Variants in UBASH3A observed in about 807,000 individuals in gnomAD.
The protein encoded by UBASH3A is ubiquitin-associated and SH3 domain-containing protein A.
A neutral mutation model predicts 73.5 loss-of-function variants in UBASH3A; 63 were observed. The observed-to-expected ratio is 0.86, with a 90% CI of 0.70 to 1.06. The LOEUF is 1.06. Among genes scored for constraint, UBASH3A ranks in the 50% least tolerant of loss-of-function variants. UBASH3A has a pLI of 0.00. For missense variants in UBASH3A, 860 were observed against 859.0 expected, an observed-to-expected ratio of 1.00 and a Z score of -0.02; for synonymous variants, 363 against 351.1, an observed-to-expected ratio of 1.03 and a Z score of -0.38.
intron 14 of UBASH3A, 113 bp downstream of exon 14, chr21:42,444,756 C>A: frequency 1.1e-6 from 1 of 885,528 alleles, no homozygotes; most frequent in Non-Finnish European, 1.8e-6. Flanking sequence ...CCAGGGCCAC[C>A]AGGATCCACG....
intron 7 of UBASH3A, among the ~76,000 whole-genome samples, chr21:42,425,855 C>A (rs1033392857): frequency 6.6e-6 from 1 of 151,916 alleles, no homozygotes; most frequent in African/African-American, 2.4e-5. Flanking sequence ...AGAAACATGC[C>A]CTGTGCATGG....
At position 42,403,906 on chromosome 21, in the gene UBASH3A, C is replaced by A; in HGVS notation, c.-40C>A. The A allele has an allele frequency of 1.5e-6, 2 of 1,294,250 alleles. No individual in the cohort carries two copies. The highest frequency in any genetic ancestry group is 1.7e-5 in the South Asian group (1 of 57,786). 80.2% of individuals were successfully genotyped at this position (1,294,250 alleles called of 1,614,324 possible). ...CCCCTCTTGCTTTATCTCCTCATTT[C>A]TGTGTGCAGGCGAGCTTCTTGGCCT... is the stretch of plus-strand genomic sequence containing the variant. On this transcript the variant is annotated 5_prime_UTR_variant, in exon 1 of 15. The change creates a new upstream start codon in the 5' untranslated region. Coordinates refer to ENST00000319294, the MANE Select transcript of UBASH3A (RefSeq NM_018961.4).
At chr21:42,417,628 A>T (rs1197705766) in intron 6 of UBASH3A, 1 of 152,124 alleles carries the variant, frequency 6.6e-6, no homozygotes, top group African/African-American at 2.4e-5. Context: ...GTGAAACCTC[A>T]TTCTGGGACT....
chr21:42,412,550 C>T (rs1222885202), intron 3 of UBASH3A, among the ~76,000 whole-genome samples: 1 of 152,218 alleles, frequency 6.6e-6, no homozygotes, highest in Non-Finnish European at 1.5e-5. Context: ...CGACTCAGTG[C>T]TCAGCCGTGG....
At chr21:42,430,687 A>G (rs1390429010) in intron 8 of UBASH3A, among the ~76,000 whole-genome samples, 1 of 152,080 alleles carries the variant, frequency 6.6e-6, no homozygotes, top group Non-Finnish European at 1.5e-5. Flanking sequence ...CATCTCTGTT[A>G]ATGACTCATC....
chr21:42,412,422 A>G (rs1419317424), intron 3 of UBASH3A, among the ~76,000 whole-genome samples: 2 of 152,204 alleles, frequency 1.3e-5, no homozygotes, highest in African/African-American at 2.4e-5. Context: ...GCAGACCCCA[A>G]GGCAGAATTC....
At chr21:42,408,832 G>A (rs968742275) in intron 2 of UBASH3A, among the ~76,000 whole-genome samples, 4 of 150,432 alleles carry the variant, frequency 2.7e-5, no homozygotes. Context: ...GCAGTGAGCT[G>A]AGATTGTGCC....
At chr21:42,405,913 C>T (rs757964529) in intron 1 of UBASH3A, among the ~76,000 whole-genome samples, 17 of 129,166 alleles carry the variant, frequency 1.3e-4, no homozygotes, top group Non-Finnish European at 2.5e-4. Flanking sequence ...GTCGCTGATG[C>T]TGGGGTGAGG....
chr21:42,444,786 C>T (rs570890179), intron 14 of UBASH3A, 143 bp downstream of exon 14: 62 of 689,258 alleles, frequency 9.0e-5, no homozygotes, highest in East Asian at 7.2e-4. Context: ...AGACTGTGCC[C>T]ACCGGCTCTT....
At chr21:42,428,092 C>T (rs1054882254) in intron 8 of UBASH3A, among the ~76,000 whole-genome samples, 1 of 152,118 alleles carries the variant, frequency 6.6e-6, no homozygotes, top group Non-Finnish European at 1.5e-5. Flanking sequence ...AGGGATGGCC[C>T]TGTGAGGACA....
intron 14 of UBASH3A, among the ~76,000 whole-genome samples, 183 bp downstream of exon 14, chr21:42,444,826 G>T (rs550252133): frequency 6.8e-4 from 103 of 152,346 alleles, no homozygotes; most frequent in African/African-American, 2.3e-3. Context: ...GCTGGGGCTG[G>T]TGGATAGGTC....
chr21:42,405,994 G>GC (rs2052965207), intron 1 of UBASH3A, among the ~76,000 whole-genome samples: 1 of 150,662 alleles, frequency 6.6e-6, no homozygotes. Context: ...GGGGGGGGGG[G>GC]GGGCAGGCCA....
rs753594672 is a variant in UBASH3A at position 42,409,605 on chromosome 21, C to T, written c.351C>T (p.Phe117=). 13 of 1,609,844 alleles carry T rather than the reference C, an allele frequency of 8.1e-6. No individual in the cohort carries two copies. In the Admixed American group the frequency reaches 2.2e-4, roughly 27 times the overall value. ...CACACGTGACACTCTGTGACTTCTTCACGGTGAGTCAACCCAGTGTGCCTT... is the reference window on the plus strand; with the variant it reads ...CACACGTGACACTCTGTGACTTCTTTACGGTGAGTCAACCCAGTGTGCCTT... The part of the protein sequence containing the change: ...VFPHVTLCDF[F]TCEDQKVECL... Residue 117 remains phenylalanine (F), a synonymous_variant, in exon 3 of 15, where the codon TTC becomes TTT. Coordinates refer to ENST00000319294, the MANE Select transcript of UBASH3A (RefSeq NM_018961.4).
chr21:42,444,034 G>C lies in UBASH3A; in HGVS notation c.1739-500G>C, dbSNP rs1312206809. Among the ~76,000 whole-genome samples the C allele has an allele frequency of 2.6e-5, 4 of 152,224 alleles. No homozygotes were observed. The East Asian group carries it at 7.7e-4, about 29-fold the overall frequency. On this transcript the variant is annotated intron_variant, in intron 13 of 14. Transcript: ENST00000319294. ...CCTCCCGTGTTGCTTTGTCCTGGAT[G>C]AAGCATGCACAGAAGCGCTGACTTC...
chr21:42,406,798 T>C (rs1241290180), intron 2 of UBASH3A, among the ~76,000 whole-genome samples: 2 of 152,228 alleles, frequency 1.3e-5, no homozygotes, highest in African/African-American at 4.8e-5. Context: ...ATTTCAGTAA[T>C]TGAAGAGCAG....
At chr21:42,444,354 C>T (rs1051664737) in intron 13 of UBASH3A, among the ~76,000 whole-genome samples, 180 bp from the exon 14 acceptor site, 11 of 152,176 alleles carry the variant, frequency 7.2e-5, no homozygotes, top group African/African-American at 2.2e-4. Flanking sequence ...AATCCATGAG[C>T]GAGGGTGGGA....
Position 42,444,651 on chromosome 21 carries a change from C to A in UBASH3A, c.1848+8C>A. On this transcript the variant is annotated splice_region_variant and intron_variant, in intron 14 of 14. Coordinates refer to ENST00000319294, the MANE Select transcript of UBASH3A (RefSeq NM_018961.4). ...GCCCAACTCGTGAGAAAGGTACGCG[C>A]CCACTCTTGGCTCTTTGGGCCACAA... The A allele has an allele frequency of 6.2e-7, 1 of 1,601,946 alleles. No homozygotes were observed. The highest frequency in any genetic ancestry group is 8.6e-7 in the Non-Finnish European group (1 of 1,168,906).
At chr21:42,412,933 C>A in intron 3 of UBASH3A, 91 bp from the exon 4 acceptor site, 1 of 1,100,478 alleles carries the variant, frequency 9.1e-7, no homozygotes, top group Non-Finnish European at 1.4e-6. Context: ...AAGAATCTCA[C>A]TTTAATTGCT....
chr21:42,431,106 A>AG lies in UBASH3A; in HGVS notation c.1171-990dup, dbSNP rs113885917. Reference sequence around the variant, plus strand: ...CCCTAGCACTCTGCTCTCTGGTCCCAGGGGGGGCATCCTCAGCTCTCATTC... The same window carrying AG: ...CCCTAGCACTCTGCTCTCTGGTCCCAGGGGGGGGCATCCTCAGCTCTCATTC... On this transcript the variant is annotated intron_variant, in intron 8 of 14. Transcript: ENST00000319294. Among the ~76,000 whole-genome samples the AG allele has an allele frequency of 4.8e-3, 732 of 152,236 alleles. 5 individuals are homozygous for AG. The highest frequency in any genetic ancestry group is 0.016 in the African/African-American group (671 of 41,538).
Sources: allele counts gnomAD v4.1 joint callset (sites outside exome capture counted in the v4.1 genomes callset), GRCh38; gene constraint gnomAD v4.1.1; transcripts MANE v1.5; gene names NCBI Gene and HGNC (gene_info 2026-07-23, HGNC 2026-07-21).